Variants in ABCD3 observed in about 807,000 individuals in gnomAD.
ABCD3 encodes the protein ATP-binding cassette sub-family D member 3.
In ABCD3, 41 loss-of-function variants were observed where a neutral mutation model predicts 105.5. The ratio of observed to expected loss-of-function variants is 0.39; its 90% CI spans 0.30 to 0.50. The LOEUF (loss-of-function observed/expected upper bound fraction) is 0.50. ABCD3 is among the 20% of genes least tolerant of loss of function. The pLI is 0.84. For missense variants in ABCD3, 622 were observed against 806.3 expected, an observed-to-expected ratio of 0.77 and a Z score of 2.77; for synonymous variants, 258 against 269.0, an observed-to-expected ratio of 0.96 and a Z score of 0.40.
intron 20 of ABCD3, among the ~76,000 whole-genome samples, chr1:94,505,371 AT>A (rs71097204): frequency 0.67 from 79,420 of 118,816 alleles, 26,905 homozygotes; most frequent in Admixed American, 0.75. Flanking sequence ...TGCTTGGCTA[AT>A]TTTTTTTTTT....
intron 7 of ABCD3, among the ~76,000 whole-genome samples, chr1:94,477,478 T>A (rs1648816216): frequency 6.6e-6 from 1 of 151,720 alleles, no homozygotes; most frequent in African/African-American, 2.4e-5. Context: ...ATACAAAAAT[T>A]ACCCAGGCAT....
At chr1:94,422,247 C>G (rs1659288085) in intron 1 of ABCD3, among the ~76,000 whole-genome samples, 1 of 152,212 alleles carries the variant, frequency 6.6e-6, no homozygotes, top group Non-Finnish European at 1.5e-5. Context: ...GCTGCACAGC[C>G]TGTGCAAGCG....
intron 3 of ABCD3, among the ~76,000 whole-genome samples, chr1:94,467,718 A>G (rs1213675536): frequency 6.6e-6 from 1 of 152,228 alleles, no homozygotes; most frequent in East Asian, 1.9e-4. Flanking sequence ...AAATGAATCT[A>G]TGAGGCTTTT....
At chr1:94,510,338 C>T (rs901291428) in intron 21 of ABCD3, among the ~76,000 whole-genome samples, 1 of 152,084 alleles carries the variant, frequency 6.6e-6, no homozygotes, top group Non-Finnish European at 1.5e-5. Context: ...AGTTTGATTG[C>T]ACTGTGGTCT....
At chr1:94,479,279 A>G (rs1648917959) in intron 8 of ABCD3, among the ~76,000 whole-genome samples, 1 of 152,034 alleles carries the variant, frequency 6.6e-6, no homozygotes, top group South Asian at 2.1e-4. Context: ...TCATATTTTT[A>G]TGGTACTTAA....
At chr1:94,495,719 G>A (rs561399714) in intron 16 of ABCD3, among the ~76,000 whole-genome samples, 2 of 152,294 alleles carry the variant, frequency 1.3e-5, no homozygotes, top group East Asian at 3.9e-4. Flanking sequence ...TGATGCCATT[G>A]TAAACCACAA....
intron 8 of ABCD3, among the ~76,000 whole-genome samples, chr1:94,478,915 A>G (rs1439831947): frequency 6.6e-6 from 1 of 152,200 alleles, no homozygotes; most frequent in Non-Finnish European, 1.5e-5. Context: ...TGTGATGGCA[A>G]GAATCACTTT....
At chr1:94,498,056 A>G (rs1649903897) in intron 16 of ABCD3, among the ~76,000 whole-genome samples, 1 of 152,144 alleles carries the variant, frequency 6.6e-6, no homozygotes, top group Non-Finnish European at 1.5e-5. Context: ...TAAGTTGATG[A>G]TATCAATCAG....
chr1:94,442,828 A>G (rs1660182431), intron 1 of ABCD3, among the ~76,000 whole-genome samples: 1 of 152,188 alleles, frequency 6.6e-6, no homozygotes, highest in African/African-American at 2.4e-5. Flanking sequence ...GTAGTATTCC[A>G]TGGTATATAT....
intron 20 of ABCD3, among the ~76,000 whole-genome samples, chr1:94,502,300 A>G (rs1290850381): frequency 2.0e-5 from 3 of 152,162 alleles, no homozygotes; most frequent in Non-Finnish European, 4.4e-5. Flanking sequence ...CTACCCCGTT[A>G]CTTAACCCAC....
At chr1:94,464,709 T>C in intron 2 of ABCD3, 66 bp from the exon 3 acceptor site, 1 of 1,365,412 alleles carries the variant, frequency 7.3e-7, no homozygotes. Context: ...AGATGAAACA[T>C]GGTTCTTTAA....
At chr1:94,418,103 T>C (rs1461701991), upstream of ABCD3, among the ~76,000 whole-genome samples, 1 of 152,044 alleles carries the variant, frequency 6.6e-6, no homozygotes, top group Non-Finnish European at 1.5e-5. Flanking sequence ...CCAGTTATTG[T>C]GAAAGCCGGG....
At chr1:94,463,180 C>G (rs547363638) in intron 2 of ABCD3, among the ~76,000 whole-genome samples, 97 of 152,288 alleles carry the variant, frequency 6.4e-4, no homozygotes, top group African/African-American at 2.2e-3. Context: ...GCAACTTTGT[C>G]TGAAAGACCT....
At chr1:94,515,587 G>A (rs1026268584) in intron 22 of ABCD3, among the ~76,000 whole-genome samples, 1 of 152,086 alleles carries the variant, frequency 6.6e-6, no homozygotes, top group Admixed American at 6.6e-5. Flanking sequence ...CTACAAGGGG[G>A]AAGATTGAAT....
Position 94,480,616 on chromosome 1 carries a change from A to G in ABCD3, c.827+10A>G. On this transcript the variant is annotated intron_variant, in intron 9 of 22. Coordinates refer to ENST00000370214, the MANE Select transcript of ABCD3 (RefSeq NM_002858.4). The stretch of plus-strand genomic sequence containing the variant: ...GGCTCATCACAAACAGGTAAAGACA[A>G]ATGCATTAAAGCCTTGCTAAAAATT... 1 of 1,613,454 alleles carries G rather than the reference A, an allele frequency of 6.2e-7. No individual in the cohort carries two copies. The highest frequency in any genetic ancestry group is 8.5e-7 in the Non-Finnish European group (1 of 1,179,566).
intron 1 of ABCD3, among the ~76,000 whole-genome samples, chr1:94,450,022 A>T (rs1660515430): frequency 6.6e-6 from 1 of 152,238 alleles, no homozygotes; most frequent in African/African-American, 2.4e-5. Context: ...GGATACTGCA[A>T]AATTAAAAGA....
At chr1:94,388,772 A>G in the ABCD3 span, among the ~76,000 whole-genome samples, 4 of 152,200 alleles carry the variant, frequency 2.6e-5, no homozygotes, top group Middle Eastern at 3.2e-3. Context: ...CAGGTAGTTT[A>G]TTTAAGAAGT....
chr1:94,407,232 C>A, the ABCD3 span, among the ~76,000 whole-genome samples: 1 of 152,168 alleles, frequency 6.6e-6, no homozygotes, highest in South Asian at 2.1e-4. Context: ...CTCACCGCAA[C>A]CTCCACCTCC....
At chr1:94,450,542 G>C (rs1488259758) in intron 1 of ABCD3, among the ~76,000 whole-genome samples, 2 of 152,248 alleles carry the variant, frequency 1.3e-5, no homozygotes, top group Non-Finnish European at 2.9e-5. Flanking sequence ...TGTTCCTGCT[G>C]CAGATAACTA....
Sources: gnomAD v4.1 joint callset for allele counts (sites outside exome capture counted in the v4.1 genomes callset) on GRCh38, gnomAD v4.1.1 for gene constraint, MANE v1.5 for transcripts, NCBI Gene and HGNC (gene_info 2026-07-23, HGNC 2026-07-21) for gene names.